The following ITFG1 variants were observed in gnomAD, a reference collection of about 807,000 sequenced individuals.
The protein encoded by ITFG1 is integrin alpha FG-GAP repeat containing 1.
A neutral mutation model predicts 81.8 loss-of-function variants in ITFG1; 34 were observed. The observed-to-expected ratio is 0.42, with a 90% confidence interval of 0.32 to 0.55. The LOEUF (loss-of-function observed/expected upper bound fraction) is 0.55, where lower values mean the gene tolerates loss of function less well. Ranked by LOEUF, ITFG1 falls within the 20% of genes least tolerant of loss-of-function variation. ITFG1 has a pLI of 0.17. For missense variants in ITFG1, 672 were observed against 755.4 expected (o/e 0.89, Z 1.29); for synonymous variants, 285 against 270.6 (o/e 1.05, Z -0.52).
At chr16:47,367,808 T>C (rs567940350) in intron 7 of ITFG1, among the ~76,000 whole-genome samples, 13 of 152,344 alleles carry the variant, frequency 8.5e-5, no homozygotes, top group African/African-American at 2.2e-4. Context: ...TGATTTTCTA[T>C]AGACATCTTA....
intron 6 of ITFG1, among the ~76,000 whole-genome samples, chr16:47,397,989 T>C (rs1239127670): frequency 6.6e-6 from 1 of 152,246 alleles, no homozygotes; most frequent in African/African-American, 2.4e-5. Flanking sequence ...CTTTTCAGTT[T>C]ACAAGCACTC....
chr16:47,209,571 T>G (rs1021129631), intron 14 of ITFG1, among the ~76,000 whole-genome samples: 1 of 152,170 alleles, frequency 6.6e-6, no homozygotes, highest in Non-Finnish European at 1.5e-5. Flanking sequence ...TTTTCTCCCA[T>G]GGTAACATCT....
At chr16:47,230,296 C>T (rs1325559476) in intron 13 of ITFG1, among the ~76,000 whole-genome samples, 1 of 151,984 alleles carries the variant, frequency 6.6e-6, no homozygotes, top group East Asian at 1.9e-4. Flanking sequence ...GGAAGGCAGC[C>T]GAGAAAAGGG....
intron 10 of ITFG1, among the ~76,000 whole-genome samples, chr16:47,275,165 C>G (rs1190564013): frequency 6.6e-6 from 1 of 152,014 alleles, no homozygotes; most frequent in African/African-American, 2.4e-5. Context: ...TCCACATGTA[C>G]CTGACATGTA....
intron 8 of ITFG1, among the ~76,000 whole-genome samples, chr16:47,358,406 T>C (rs1968067984): frequency 6.6e-6 from 1 of 152,188 alleles, no homozygotes; most frequent in Admixed American, 6.5e-5. Context: ...TAACAGTAAA[T>C]ACTGTAGATA....
intron 14 of ITFG1, among the ~76,000 whole-genome samples, chr16:47,203,339 T>G (rs1965450998): frequency 6.6e-6 from 1 of 152,172 alleles, no homozygotes; most frequent in African/African-American, 2.4e-5. Flanking sequence ...TGGAAGACAA[T>G]TTTTCCACGG....
chr16:47,397,990 A>G (rs1567486129), intron 6 of ITFG1, among the ~76,000 whole-genome samples: 2 of 152,216 alleles, frequency 1.3e-5, no homozygotes, highest in African/African-American at 4.8e-5. Context: ...TTTTCAGTTT[A>G]CAAGCACTCT....
chr16:47,393,068 A>G (rs1968552235), intron 6 of ITFG1, among the ~76,000 whole-genome samples: 1 of 152,358 alleles, frequency 6.6e-6, no homozygotes, highest in Non-Finnish European at 1.5e-5. Context: ...AGAAAGACAG[A>G]TAAATTTGAC....
Position 47,238,008 on chromosome 16 carries a change from A to G in ITFG1, c.1331T>C (p.Val444Ala). The G allele has an allele frequency of 6.8e-7, 1 of 1,469,354 alleles. No individual in the cohort carries two copies. Among genetic ancestry groups the G allele is most frequent in the Non-Finnish European group, 9.2e-7 (1 of 1,084,764 alleles). 91.0% of individuals were successfully genotyped at this position (1,469,354 alleles called of 1,614,324 possible). The change falls in exon 13 of 18, where the codon GTT (valine) becomes GCT (alanine). Residue 444 changes from valine (V) to alanine (A), a missense_variant and splice_region_variant. Physicochemically the swap from Val to Ala is moderately conservative, Grantham distance 64 (BLOSUM62 0). Coordinates refer to ENST00000320640, the MANE Select transcript of ITFG1 (RefSeq NM_030790.5). ...EADAYFVKVI[V>A]LSGLCSNDCP... Reference sequence around the variant, plus strand: ...GTCATTAGAACACAGACCACTAAGAACTGTGGAAAAATAAACAGGCAATTA... The same window carrying G: ...GTCATTAGAACACAGACCACTAAGAGCTGTGGAAAAATAAACAGGCAATTA...
chr16:47,221,943 T>C (rs972172091), intron 13 of ITFG1, among the ~76,000 whole-genome samples: 2 of 152,282 alleles, frequency 1.3e-5, no homozygotes. Context: ...CCCTTTATCA[T>C]TTTTTATTGC....
At position 47,162,579 on chromosome 16, in the gene ITFG1, G is replaced by A. The variant is rs773967734; in HGVS notation, c.1539C>T (p.Asp513=). 4 of 1,612,184 alleles carry A rather than the reference G, an allele frequency of 2.5e-6. No homozygotes were observed. Among genetic ancestry groups the A allele is most frequent in the Admixed American group, 3.3e-5 (2 of 59,866 alleles). ...LGLGRSANFL[D]HLYVGIPRPS... is the part of the protein sequence containing the mutation. ...GACGGGGAATACCAACGTAGAGATG[G>A]TCAAGAAAATTTGCGCTCCGACCTA... The change falls in exon 15 of 18, where the codon GAC becomes GAT. Residue 513 remains aspartate (D), a synonymous_variant. Coordinates refer to ENST00000320640, the MANE Select transcript of ITFG1 (RefSeq NM_030790.5).
chr16:47,398,529 T>C (rs569260312), intron 6 of ITFG1, among the ~76,000 whole-genome samples: 1 of 152,358 alleles, frequency 6.6e-6, no homozygotes, highest in South Asian at 2.1e-4. Flanking sequence ...AGCATTACTT[T>C]CAGTGATGAT....
In ITFG1 at chr16:47,282,118, C is replaced by G. The variant is rs148290726; in HGVS notation, c.1071-21423G>C. On this transcript the variant is annotated intron_variant, in intron 10 of 17. Coordinates refer to ENST00000320640, the MANE Select transcript of ITFG1 (RefSeq NM_030790.5). ...CATGGGTACAATATATCCTATTGTA[C>G]CCACGTACAGTACAGTAGTATATAT... 5.5e-3 allele frequency among the ~76,000 whole-genome samples: 840 copies of G among 151,712 alleles called. 5 individuals are homozygous for G. Among genetic ancestry groups the G allele is most frequent in the Admixed American group, 9.5e-3 (145 of 15,240 alleles).
intron 8 of ITFG1, among the ~76,000 whole-genome samples, chr16:47,328,266 A>T (rs771408356): frequency 2.6e-4 from 39 of 152,302 alleles, no homozygotes; most frequent in Non-Finnish European, 4.7e-4. Context: ...GTGGGAACTG[A>T]ACAATGAGAA....
intron 12 of ITFG1, among the ~76,000 whole-genome samples, chr16:47,254,607 A>G (rs574215093): frequency 6.6e-6 from 1 of 152,330 alleles, no homozygotes; most frequent in South Asian, 2.1e-4. Flanking sequence ...TTAAGAGTAT[A>G]AAACAGAACT....
chr16:47,268,553 TAC>T (rs770966421), intron 10 of ITFG1, among the ~76,000 whole-genome samples: 1 of 152,196 alleles, frequency 6.6e-6, no homozygotes, highest in East Asian at 1.9e-4. Context: ...ATAAGAAAAC[TAC>T]AGACCAATAT....
At chr16:47,159,945 C>T (rs1244705816) in intron 16 of ITFG1, among the ~76,000 whole-genome samples, 2 of 151,824 alleles carry the variant, frequency 1.3e-5, no homozygotes, top group Non-Finnish European at 2.9e-5. Flanking sequence ...TTGAAAAGAA[C>T]ATTTCTTTGG....
chr16:47,339,370 A>T (rs1361213067), intron 8 of ITFG1, among the ~76,000 whole-genome samples: 2 of 152,192 alleles, frequency 1.3e-5, no homozygotes, highest in African/African-American at 2.4e-5. Context: ...GAACCTCCGA[A>T]CTGTTCTCTA....
At chr16:47,428,767 G>T in intron 6 of ITFG1, 37 bp downstream of exon 6, 2 of 1,235,364 alleles carry the variant, frequency 1.6e-6, no homozygotes, top group Non-Finnish European at 2.4e-6. Flanking sequence ...TACTTCTTTG[G>T]TAACTCAAAA....
Sources: gnomAD v4.1 joint callset for allele counts (sites outside exome capture counted in the v4.1 genomes callset) on GRCh38, gnomAD v4.1.1 for gene constraint, MANE v1.5 for transcripts, NCBI Gene and HGNC (gene_info 2026-07-23, HGNC 2026-07-21) for gene names.